Variants in WASHC5 observed in about 807,000 individuals in gnomAD.
WASHC5 encodes WASH complex subunit 5.
Under a neutral mutation model 150.4 loss-of-function variants are expected in WASHC5, and 101 were observed. The observed-to-expected ratio is 0.67, with a 90% CI of 0.57 to 0.79. The LOEUF is 0.79. Among genes scored for constraint, WASHC5 ranks in the 30% least tolerant of loss-of-function variants. The pLI, the probability that WASHC5 is intolerant of heterozygous loss-of-function variation, is 0.00. For missense variants in WASHC5, 1,195 were observed against 1,396.3 expected, an observed-to-expected ratio of 0.86 and a Z score of 2.30; for synonymous variants, 467 against 491.2, an observed-to-expected ratio of 0.95 and a Z score of 0.65.
intron 20 of WASHC5, among the ~76,000 whole-genome samples, chr8:125,045,427 T>C (rs1415942169): frequency 6.6e-6 from 1 of 152,220 alleles, no homozygotes; most frequent in Non-Finnish European, 1.5e-5. Context: ...ACCACCACCC[T>C]TAACCACCAT....
rs1817662307 is a variant in WASHC5 at position 125,091,772 on chromosome 8, A to T, written c.-282T>A. On this transcript the variant is annotated 5_prime_UTR_variant, in exon 1 of 29. Coordinates refer to ENST00000318410, the MANE Select transcript of WASHC5 (RefSeq NM_014846.4). ...CCCCGACTTCCGCCCCTGACTCCCC[A>T]GGCGGTCACATGACCGAAGCGGCTG... 1 of 152,354 alleles carries T rather than the reference A, an allele frequency of 6.6e-6. No individual in the cohort carries two copies. Among genetic ancestry groups the T allele is most frequent in the Non-Finnish European group, 1.5e-5 (1 of 68,152 alleles). The allele number at this position is 152,354 out of a possible 1,614,324, so 9.4% of individuals were successfully genotyped here.
intron 5 of WASHC5, among the ~76,000 whole-genome samples, chr8:125,079,869 G>A (rs76882827): frequency 0.031 from 4,728 of 152,206 alleles, 254 homozygotes; most frequent in African/African-American, 0.11. Context: ...GTGTATACTC[G>A]TGTATATATA....
intron 1 of WASHC5, among the ~76,000 whole-genome samples, chr8:125,088,216 C>A (rs1817475513): frequency 6.8e-6 from 1 of 148,142 alleles, no homozygotes; most frequent in Non-Finnish European, 1.5e-5. Flanking sequence ...GGCTGAGGCA[C>A]ATGGATCACC....
chr8:125,086,585 T>C (rs184379395), intron 1 of WASHC5, among the ~76,000 whole-genome samples: 1 of 152,354 alleles, frequency 6.6e-6, no homozygotes, highest in Admixed American at 6.5e-5. Flanking sequence ...TCTGAGCTAC[T>C]GAGTGTTAGG....
intron 1 of WASHC5, among the ~76,000 whole-genome samples, chr8:125,085,590 T>A (rs1048827708): frequency 6.6e-6 from 1 of 152,198 alleles, no homozygotes; most frequent in Non-Finnish European, 1.5e-5. Context: ...GATGTTTTCC[T>A]GTACACATAA....
chr8:125,042,878 C>A (rs1222456368), intron 23 of WASHC5, among the ~76,000 whole-genome samples: 1 of 152,172 alleles, frequency 6.6e-6, no homozygotes, highest in East Asian at 1.9e-4. Context: ...ACAACAACAA[C>A]CACTCACCAA....
chr8:125,064,077 C>T (rs111692535), intron 10 of WASHC5, among the ~76,000 whole-genome samples: 4,001 of 152,280 alleles, frequency 0.026, 182 homozygotes, highest in African/African-American at 0.092. Context: ...TTGTGTATTA[C>T]CTTCTCCAAT....
intron 5 of WASHC5, among the ~76,000 whole-genome samples, chr8:125,080,603 G>A (rs1422319624): frequency 2.0e-5 from 3 of 152,164 alleles, no homozygotes; most frequent in Non-Finnish European, 4.4e-5. Flanking sequence ...TTTAGCTCAA[G>A]CTCCTGACTC....
At chr8:125,089,792 C>G (rs558630231) in intron 1 of WASHC5, among the ~76,000 whole-genome samples, 2 of 152,286 alleles carry the variant, frequency 1.3e-5, no homozygotes, top group East Asian at 3.9e-4. Flanking sequence ...GTCCCTTACT[C>G]AAGAATTACG....
chr8:125,045,081 G>A, intron 20 of WASHC5: 1 of 233,764 alleles, frequency 4.3e-6, no homozygotes, highest in Admixed American at 5.1e-5. Flanking sequence ...GACAAAACAA[G>A]GCCTTGTGTC....
intron 26 of WASHC5, among the ~76,000 whole-genome samples, chr8:125,034,948 T>C (rs1337067927): frequency 6.6e-6 from 1 of 152,182 alleles, no homozygotes; most frequent in Non-Finnish European, 1.5e-5. Context: ...CTGAGAACGG[T>C]GTTTACAAGG....
intron 9 of WASHC5, among the ~76,000 whole-genome samples, chr8:125,068,421 G>A (rs866425459): frequency 1.0e-3 from 155 of 152,158 alleles, no homozygotes; most frequent in African/African-American, 3.7e-3. Context: ...CTCACTGCTG[G>A]GGGAATTAAG....
At chr8:125,047,129 G>A in intron 20 of WASHC5, 78 bp downstream of exon 20, 1 of 1,547,728 alleles carries the variant, frequency 6.5e-7, no homozygotes, top group Non-Finnish European at 8.9e-7. Flanking sequence ...ACTGGAATAG[G>A]GGCTGTGCCA....
At chr8:125,076,015 T>C (rs978019897) in intron 7 of WASHC5, among the ~76,000 whole-genome samples, 1 of 152,210 alleles carries the variant, frequency 6.6e-6, no homozygotes, top group African/African-American at 2.4e-5. Flanking sequence ...AATTTGGCTA[T>C]CTTAGATTCA....
chr8:125,063,243 G>T (rs1816654975), intron 11 of WASHC5, among the ~76,000 whole-genome samples: 1 of 152,092 alleles, frequency 6.6e-6, no homozygotes, highest in Non-Finnish European at 1.5e-5. Flanking sequence ...TCTTGTCTAT[G>T]AACTGGAGTT....
chr8:125,056,906 T>C (rs1816424307), intron 15 of WASHC5, 89 bp from the exon 16 acceptor site: 4 of 1,487,216 alleles, frequency 2.7e-6, no homozygotes, highest in Admixed American at 1.7e-5. Context: ...TTTGTCTATA[T>C]AGGGGGATGC....
chr8:125,029,293 A>G (rs948888378), intron 27 of WASHC5, among the ~76,000 whole-genome samples: 3 of 152,156 alleles, frequency 2.0e-5, no homozygotes, highest in African/African-American at 7.2e-5. Context: ...CTGGCCTCCC[A>G]AAGTGTTGGG....
intron 1 of WASHC5, among the ~76,000 whole-genome samples, chr8:125,087,730 CAAAAA>C (rs35178691): frequency 3.3e-5 from 3 of 91,744 alleles, no homozygotes; most frequent in Admixed American, 1.1e-4. Flanking sequence ...GACCCTCTCT[CAAAAA>C]AAAAAAAAAA....
At chr8:125,032,707 G>GA (rs906538341) in intron 26 of WASHC5, 91 of 363,938 alleles carry the variant, frequency 2.5e-4, no homozygotes, top group African/African-American at 1.7e-3. Flanking sequence ...ATGTAAATGA[G>GA]AAAAAAAATC....
Sources: allele counts gnomAD v4.1 joint callset (sites outside exome capture counted in the v4.1 genomes callset), GRCh38; gene constraint gnomAD v4.1.1; transcripts MANE v1.5; gene names NCBI Gene and HGNC (gene_info 2026-07-23, HGNC 2026-07-21).